The following DLG2 variants were observed in gnomAD, a reference collection of about 807,000 sequenced individuals.
DLG2 encodes discs large MAGUK scaffold protein 2.
DLG2 carries 45 observed loss-of-function variants against 132.5 expected under a neutral mutation model. The ratio of observed to expected loss-of-function variants is 0.34; its 90% CI spans 0.27 to 0.44. DLG2 has a LOEUF of 0.44. DLG2 is among the 20% of genes least tolerant of loss of function. The probability of loss-of-function intolerance (pLI) is 1.00; values close to 1 mark genes in which losing one functional copy is unlikely to be tolerated. For missense variants in DLG2, 1,045 were observed against 1,196.9 expected (o/e 0.87, Z 1.87); for synonymous variants, 424 against 419.6 (o/e 1.01, Z -0.13).
chr11:84,051,489 C>A (rs949887792), intron 11 of DLG2, among the ~76,000 whole-genome samples: 1 of 151,654 alleles, frequency 6.6e-6, no homozygotes, highest in African/African-American at 2.4e-5. Context: ...ATGGATGAAG[C>A]TGGAAACCAT....
intron 6 of DLG2, among the ~76,000 whole-genome samples, chr11:84,991,583 C>T (rs529316681): frequency 3.7e-4 from 53 of 145,036 alleles, no homozygotes; most frequent in Non-Finnish European, 7.0e-4. Flanking sequence ...AGGAGAAAAA[C>T]AAGAAGAGGG....
At chr11:84,804,132 ATAT>A (rs1375417445) in intron 6 of DLG2, among the ~76,000 whole-genome samples, 3 of 152,184 alleles carry the variant, frequency 2.0e-5, no homozygotes, top group Non-Finnish European at 4.4e-5. Flanking sequence ...GTGATGACAA[ATAT>A]TATTATTTTT....
intron 7 of DLG2, among the ~76,000 whole-genome samples, chr11:84,472,652 T>C (rs1267890997): frequency 6.6e-6 from 1 of 151,938 alleles, no homozygotes; most frequent in African/African-American, 2.4e-5. Context: ...ATGTTCATAC[T>C]TAAGCCCATC....
intron 18 of DLG2, chr11:83,786,408 T>C (rs2039952042): frequency 2.8e-6 from 1 of 356,694 alleles, no homozygotes; most frequent in Admixed American, 3.8e-5. Context: ...ACCGAAAGTG[T>C]GTACCACATA....
At chr11:85,233,498 G>C (rs17810291) in intron 4 of DLG2, among the ~76,000 whole-genome samples, 7 of 151,874 alleles carry the variant, frequency 4.6e-5, no homozygotes, top group Non-Finnish European at 7.4e-5. Flanking sequence ...AAGAAGAAAA[G>C]CATAAGGCTA....
chr11:84,258,759 T>C (rs2097513499), intron 7 of DLG2, among the ~76,000 whole-genome samples: 1 of 152,220 alleles, frequency 6.6e-6, no homozygotes, highest in Admixed American at 6.5e-5. Context: ...CCTGAGTTTT[T>C]CTAGGCGACC....
intron 18 of DLG2, among the ~76,000 whole-genome samples, chr11:83,727,665 T>C (rs1176407089): frequency 2.0e-5 from 3 of 152,194 alleles, no homozygotes; most frequent in African/African-American, 7.2e-5. Context: ...CCATGTAAAA[T>C]ATAAAATGGG....
At chr11:83,953,364 G>A (rs2085962560) in intron 14 of DLG2, among the ~76,000 whole-genome samples, 1 of 152,122 alleles carries the variant, frequency 6.6e-6, no homozygotes, top group African/African-American at 2.4e-5. Flanking sequence ...ATCAGCCCCT[G>A]GCATTAGATT....
chr11:84,430,281 C>T (rs144287937), intron 7 of DLG2, among the ~76,000 whole-genome samples: 1,609 of 151,094 alleles, frequency 0.011, 23 homozygotes, highest in African/African-American at 0.03. Flanking sequence ...ACTAGAAATA[C>T]AAAAAAAATT....
At position 84,440,988 on chromosome 11, in the gene DLG2, G is replaced by T. The variant is rs534709301; in HGVS notation, c.519+93582C>A. On this transcript the variant is annotated intron_variant, in intron 7 of 27. Coordinates refer to ENST00000376104, the MANE Select transcript of DLG2 (RefSeq NM_001142699.3). ...TGGCCTGAAAAGCTATGTAATTTCA[G>T]TGTTGAATATAGACCAAACAAAATA... 6.0e-4 allele frequency among the ~76,000 whole-genome samples: 91 copies of T among 152,190 alleles called. 3 individuals are homozygous for T. The South Asian group carries it at 0.018, about 30-fold the overall frequency.
At chr11:83,513,525 T>C (rs1018607976) in intron 21 of DLG2, among the ~76,000 whole-genome samples, 1 of 152,216 alleles carries the variant, frequency 6.6e-6, no homozygotes, top group Non-Finnish European at 1.5e-5. Context: ...AGAAGCTCTT[T>C]AGTTTAATTA....
At chr11:83,783,111 T>C (rs78439881) in intron 18 of DLG2, among the ~76,000 whole-genome samples, 2,393 of 152,336 alleles carry the variant, frequency 0.016, 17 homozygotes, top group Non-Finnish European at 0.024. Flanking sequence ...AGTAAGTGCA[T>C]GATAAAATTG....
At chr11:84,403,415 T>C (rs1442139363) in intron 7 of DLG2, among the ~76,000 whole-genome samples, 1 of 152,206 alleles carries the variant, frequency 6.6e-6, no homozygotes. Context: ...CATTACTGTT[T>C]ATTTTATCTC....
At chr11:83,900,958 G>A (rs1227661370) in intron 15 of DLG2, among the ~76,000 whole-genome samples, 1 of 152,202 alleles carries the variant, frequency 6.6e-6, no homozygotes, top group Non-Finnish European at 1.5e-5. Context: ...AGCTTCTCAA[G>A]ACCATAGGAA....
At chr11:83,888,206 G>A (rs1050081101) in intron 15 of DLG2, among the ~76,000 whole-genome samples, 4 of 151,958 alleles carry the variant, frequency 2.6e-5, no homozygotes, top group East Asian at 3.9e-4. Flanking sequence ...AAACCCCATC[G>A]TCTCAGCCCA....
intron 18 of DLG2, among the ~76,000 whole-genome samples, chr11:83,713,117 G>A (rs1238109991): frequency 6.6e-6 from 1 of 152,102 alleles, no homozygotes; most frequent in Non-Finnish European, 1.5e-5. Context: ...GCTTTCACAT[G>A]TTTTCCTCCT....
chr11:85,001,279 G>T (rs2058185660), intron 6 of DLG2, among the ~76,000 whole-genome samples: 1 of 151,924 alleles, frequency 6.6e-6, no homozygotes. Context: ...ATTATTTGTT[G>T]TAGAGACAGG....
Position 84,624,857 on chromosome 11 carries a change from C to CTTTTTTT in DLG2, c.358-90133_358-90127dup, listed in dbSNP as rs776520040. Among the ~76,000 whole-genome samples, 45 of 76,162 alleles carry CTTTTTTT rather than the reference C, an allele frequency of 5.9e-4. 8 individuals are homozygous for CTTTTTTT. The highest frequency in any genetic ancestry group is 2.1e-3 in the African/African-American group (18 of 8,544). The allele number at this position is 76,162 out of a possible 152,430, so 50.0% of individuals were successfully genotyped here. Reference sequence around the variant, plus strand: ...AGTTACCTCTCAGAAGAGAGTCAACCTTTTTTTTTTTTTTTTTTGAGACGG... The same window carrying CTTTTTTT: ...AGTTACCTCTCAGAAGAGAGTCAACCTTTTTTTTTTTTTTTTTTTTTTTTTGAGACGG... On this transcript the variant is annotated intron_variant, in intron 6 of 27. Transcript: ENST00000376104.
intron 6 of DLG2, among the ~76,000 whole-genome samples, chr11:84,881,114 A>C (rs1222600299): frequency 6.6e-6 from 1 of 152,134 alleles, no homozygotes; most frequent in Non-Finnish European, 1.5e-5. Context: ...CTAACCTACC[A>C]GTGTTGGAAT....
Sources: allele counts gnomAD v4.1 joint callset (sites outside exome capture counted in the v4.1 genomes callset), GRCh38; gene constraint gnomAD v4.1.1; transcripts MANE v1.5; gene names NCBI Gene and HGNC (gene_info 2026-07-23, HGNC 2026-07-21).